HERC3: variants seen among roughly 807,000 people sequenced by gnomAD.
The protein encoded by HERC3 is HECT and RLD domain containing E3 ubiquitin protein ligase 3, also known as probable E3 ubiquitin-protein ligase HERC3.
A neutral mutation model predicts 129.9 loss-of-function variants in HERC3; 58 were observed. The ratio of observed to expected loss-of-function variants is 0.45; its 90% confidence interval spans 0.36 to 0.56. The LOEUF is 0.56. Ranked by LOEUF, HERC3 falls within the 20% of genes least tolerant of loss-of-function variation. The pLI is 0.00. For synonymous variants in HERC3, 430 were observed against 451.0 expected (o/e 0.95, Z 0.59); for missense variants, 835 against 1,244.2 (o/e 0.67, Z 4.95).
intron 23 of HERC3, chr4:88,690,402 G>C (rs1055967503): frequency 4.1e-6 from 4 of 985,162 alleles, no homozygotes; most frequent in South Asian, 9.4e-5. Flanking sequence ...GTGTGAGTAC[G>C]TATGTAGATA....
At chr4:88,544,725 A>G in the HERC3 span, among the ~76,000 whole-genome samples, 2 of 152,224 alleles carry the variant, frequency 1.3e-5, no homozygotes, top group African/African-American at 4.8e-5. Context: ...TACACCATGG[A>G]ATACTATGCA....
chr4:88,692,415 A>G (rs565734417), intron 23 of HERC3, among the ~76,000 whole-genome samples: 1 of 152,240 alleles, frequency 6.6e-6, no homozygotes, highest in East Asian at 1.9e-4. Context: ...AGAAATGCCA[A>G]ACTTAAGGTA....
chr4:88,575,141 T>G, the HERC3 span, among the ~76,000 whole-genome samples: 1 of 152,302 alleles, frequency 6.6e-6, no homozygotes, highest in Non-Finnish European at 1.5e-5. Context: ...AAAGCCTTTA[T>G]TGGAATAGTA....
At chr4:88,545,576 G>A in the HERC3 span, among the ~76,000 whole-genome samples, 6 of 151,754 alleles carry the variant, frequency 4.0e-5, no homozygotes, top group South Asian at 1.2e-3. Flanking sequence ...TTAATGATTA[G>A]GGAATTATGT....
At chr4:88,525,237 A>T in the HERC3 span, among the ~76,000 whole-genome samples, 9 of 152,180 alleles carry the variant, frequency 5.9e-5, no homozygotes, top group African/African-American at 1.9e-4. Flanking sequence ...TTACTAACGG[A>T]CTAGAGAATA....
At chr4:88,624,420 G>A (rs1725868897) in intron 3 of HERC3, among the ~76,000 whole-genome samples, 1 of 152,170 alleles carries the variant, frequency 6.6e-6, no homozygotes, top group Admixed American at 6.6e-5. Context: ...ATCCAAGTTG[G>A]TATGTAGTGG....
At chr4:88,662,400 CT>C (rs1730584029) in intron 10 of HERC3, 30 bp from the exon 11 acceptor site, 1 of 1,586,714 alleles carries the variant, frequency 6.3e-7, no homozygotes. Context: ...TACATAATTT[CT>C]TCTTTTTACT....
chr4:88,554,611 T>C, the HERC3 span, among the ~76,000 whole-genome samples: 1 of 152,164 alleles, frequency 6.6e-6, no homozygotes, highest in Non-Finnish European at 1.5e-5. Flanking sequence ...AAATAAAGTT[T>C]TACTAATGGA....
chr4:88,601,916 C>T (rs975497289), intron 2 of HERC3, among the ~76,000 whole-genome samples: 1 of 120,848 alleles, frequency 8.3e-6, no homozygotes, highest in Non-Finnish European at 1.5e-5. Flanking sequence ...ATTAGCCGGG[C>T]GTAGTGGCGG....
At chr4:88,635,316 A>T (rs1727259261) in intron 3 of HERC3, among the ~76,000 whole-genome samples, 1 of 152,072 alleles carries the variant, frequency 6.6e-6, no homozygotes, top group African/African-American at 2.4e-5. Flanking sequence ...AAACGACCTG[A>T]TGAAGCTGAA....
chr4:88,545,430 C>CCTTTTTTTTTTTTTTTTTTTTTTTTT, the HERC3 span, among the ~76,000 whole-genome samples: 246 of 110,380 alleles, frequency 2.2e-3, 11 homozygotes, highest in East Asian at 0.01. Context: ...TTTGAGAATT[C>CCTTTTTTTTTTTTTTTTTTTTTTTTT]TTTTTTTTTT....
the HERC3 span, among the ~76,000 whole-genome samples, chr4:88,573,555 A>T: frequency 1.3e-5 from 2 of 152,190 alleles, no homozygotes; most frequent in South Asian, 2.1e-4. Context: ...TCACCCTGTC[A>T]TCTGTGCATT....
chr4:88,648,942 C>T (rs1728982517), intron 3 of HERC3, among the ~76,000 whole-genome samples: 1 of 150,992 alleles, frequency 6.6e-6, no homozygotes, highest in Admixed American at 6.6e-5. Context: ...TTTTGGTTTC[C>T]AAGATATTTC....
In HERC3 at chr4:88,680,448, C is replaced by T. The variant is rs116188970; in HGVS notation, c.2340+212C>T. Among the ~76,000 whole-genome samples, 459 of 152,298 alleles carry T rather than the reference C, an allele frequency of 3.0e-3. 11 individuals are homozygous for T. The highest frequency in any genetic ancestry group is 0.01 in the Middle Eastern group (3 of 294). ...ATTTTGTGAGCCTTCAGTCCCATTT[C>T]CATTTCTAGTAGGTAAGATCCAAGT... On this transcript the variant is annotated intron_variant, in intron 20 of 25. Coordinates refer to ENST00000402738, the MANE Select transcript of HERC3 (RefSeq NM_014606.3).
chr4:88,696,943 A>C, intron 23 of HERC3: 1 of 399,252 alleles, frequency 2.5e-6, no homozygotes. Flanking sequence ...CAGAGAAGAG[A>C]CCATGAAAAC....
chr4:88,573,300 G>T, the HERC3 span, among the ~76,000 whole-genome samples: 1 of 152,180 alleles, frequency 6.6e-6, no homozygotes, highest in Non-Finnish European at 1.5e-5. Flanking sequence ...GGGACATAAA[G>T]CTCATCAGGT....
At chr4:88,694,861 C>T (rs903233803) in intron 23 of HERC3, among the ~76,000 whole-genome samples, 5 of 152,084 alleles carry the variant, frequency 3.3e-5, no homozygotes, top group Admixed American at 3.3e-4. Flanking sequence ...ATATTTTGAT[C>T]ATTATTAGTG....
At chr4:88,557,140 C>T in the HERC3 span, among the ~76,000 whole-genome samples, 727 of 152,200 alleles carry the variant, frequency 4.8e-3, 8 homozygotes, top group African/African-American at 0.017. Context: ...CCTTTCTTTC[C>T]CTAGTTTGAG....
the HERC3 span, among the ~76,000 whole-genome samples, chr4:88,534,305 G>GTACATC: frequency 6.6e-6 from 1 of 152,190 alleles, no homozygotes; most frequent in Non-Finnish European, 1.5e-5. Context: ...AACTGGGGTG[G>GTACATC]TGCTCCTGGG....
Sources: allele counts gnomAD v4.1 joint callset (sites outside exome capture counted in the v4.1 genomes callset), GRCh38; gene constraint gnomAD v4.1.1; transcripts MANE v1.5; gene names NCBI Gene and HGNC (gene_info 2026-07-23, HGNC 2026-07-21).